The following SRPK2 variants were observed in gnomAD, a reference collection of about 807,000 sequenced individuals.
SRPK2 encodes SRSF protein kinase 2.
SRPK2 carries 21 observed loss-of-function variants against 90.8 expected under a neutral mutation model. The ratio of observed to expected loss-of-function variants is 0.23; its 90% confidence interval spans 0.16 to 0.33. The LOEUF is 0.33. SRPK2 is among the 10% of genes least tolerant of loss of function. The probability of loss-of-function intolerance (pLI) is 1.00; values close to 1 mark genes in which losing one functional copy is unlikely to be tolerated. For missense variants in SRPK2, 620 were observed against 869.0 expected (o/e 0.71, Z 3.60); for synonymous variants, 288 against 311.1 (o/e 0.93, Z 0.78).
chr7:105,159,469 A>AAAAAAAAAAAAAAAAAAAAAAAAAAATAT, intron 7 of SRPK2, among the ~76,000 whole-genome samples: 1 of 149,598 alleles, frequency 6.7e-6, no homozygotes, highest in Non-Finnish European at 1.5e-5. Context: ...AAAAAAAAAA[A>AAAAAAAAAAAAAAAAAAAAAAAAAAATAT]AAAACCGTAC....
At chr7:105,126,774 T>C (rs1801274259) in intron 14 of SRPK2, among the ~76,000 whole-genome samples, 1 of 152,206 alleles carries the variant, frequency 6.6e-6, no homozygotes, top group Admixed American at 6.5e-5. Flanking sequence ...GCCGCTGGTG[T>C]AGGGCCCCTG....
chr7:105,322,705 T>C (rs1290083401), intron 2 of SRPK2, among the ~76,000 whole-genome samples: 2 of 151,860 alleles, frequency 1.3e-5, no homozygotes, highest in Non-Finnish European at 2.9e-5. Context: ...AACTGTTCAC[T>C]TGTAAAATGG....
At chr7:105,145,939 C>G (rs916042636) in intron 8 of SRPK2, among the ~76,000 whole-genome samples, 3 of 152,098 alleles carry the variant, frequency 2.0e-5, no homozygotes, top group Non-Finnish European at 4.4e-5. Flanking sequence ...AGGCACAGAT[C>G]ATGGTGTCGA....
intron 2 of SRPK2, among the ~76,000 whole-genome samples, chr7:105,387,095 G>A (rs1420776509): frequency 2.0e-5 from 3 of 152,170 alleles, no homozygotes; most frequent in Admixed American, 2.0e-4. Context: ...CCACATGTAC[G>A]TAAAGGTAAC....
intron 2 of SRPK2, among the ~76,000 whole-genome samples, chr7:105,245,765 T>C (rs1322591018): frequency 6.6e-6 from 1 of 152,050 alleles, no homozygotes; most frequent in East Asian, 1.9e-4. Flanking sequence ...TAGAGTGCGG[T>C]GGTTATTCAC....
At chr7:105,175,300 A>G (rs28832590) in intron 3 of SRPK2, among the ~76,000 whole-genome samples, 6,383 of 152,252 alleles carry the variant, frequency 0.042, 466 homozygotes, top group African/African-American at 0.15. Context: ...AAGAAATCAA[A>G]AAGAAAATAG....
chr7:105,289,287 A>T (rs573182630), intron 2 of SRPK2, among the ~76,000 whole-genome samples: 7 of 148,856 alleles, frequency 4.7e-5, no homozygotes, highest in Admixed American at 2.0e-4. Flanking sequence ...AAAAATAAAT[A>T]AAAAAAAAAT....
chr7:105,230,447 A>G (rs150443129), intron 2 of SRPK2, among the ~76,000 whole-genome samples: 175 of 152,344 alleles, frequency 1.1e-3, no homozygotes, highest in Middle Eastern at 3.4e-3. Context: ...TAAGCAGTAG[A>G]TAGAGAATAG....
chr7:105,247,720 TA>T (rs56380946), intron 2 of SRPK2, among the ~76,000 whole-genome samples: 109,201 of 151,850 alleles, frequency 0.72, 39,773 homozygotes, highest in African/African-American at 0.83. Flanking sequence ...CTATTTTTTT[TA>T]AAAAAAAGTT....
intron 2 of SRPK2, among the ~76,000 whole-genome samples, chr7:105,220,045 A>C (rs532249007): frequency 5.3e-5 from 8 of 152,372 alleles, no homozygotes; most frequent in African/African-American, 1.9e-4. Flanking sequence ...GGAGAAGTTT[A>C]AGAACTCAAA....
At chr7:105,208,049 T>C (rs1246151063) in intron 2 of SRPK2, among the ~76,000 whole-genome samples, 1 of 152,126 alleles carries the variant, frequency 6.6e-6, no homozygotes, top group African/African-American at 2.4e-5. Context: ...GAAAAGATGC[T>C]CAACATCATT....
chr7:105,222,011 T>C (rs1798154653), intron 2 of SRPK2, among the ~76,000 whole-genome samples: 1 of 152,160 alleles, frequency 6.6e-6, no homozygotes, highest in Non-Finnish European at 1.5e-5. Context: ...CACTGTAAAA[T>C]ATCACTTTAG....
At chr7:105,373,514 T>C (rs1361355550) in intron 2 of SRPK2, among the ~76,000 whole-genome samples, 2 of 151,278 alleles carry the variant, frequency 1.3e-5, no homozygotes, top group African/African-American at 2.4e-5. Context: ...GTGATTCTCA[T>C]GCCTCAGCCT....
intron 2 of SRPK2, among the ~76,000 whole-genome samples, chr7:105,221,417 A>G (rs1295765810): frequency 2.0e-5 from 3 of 152,166 alleles, no homozygotes; most frequent in Non-Finnish European, 4.4e-5. Context: ...TCCAGCTACA[A>G]CAGTCCTCAT....
intron 2 of SRPK2, among the ~76,000 whole-genome samples, chr7:105,262,269 T>C (rs1486565662): frequency 6.6e-6 from 1 of 152,306 alleles, no homozygotes; most frequent in African/African-American, 2.4e-5. Context: ...AAACTAACAC[T>C]ACACTTTTAT....
intron 2 of SRPK2, among the ~76,000 whole-genome samples, chr7:105,238,885 T>TA (rs1800460158): frequency 6.6e-6 from 1 of 152,022 alleles, no homozygotes; most frequent in Non-Finnish European, 1.5e-5. Flanking sequence ...AGCACACTCT[T>TA]CTAAGCTTTC....
chr7:105,171,474 T>G (rs568099892), intron 3 of SRPK2, among the ~76,000 whole-genome samples: 6 of 152,380 alleles, frequency 3.9e-5, no homozygotes, highest in African/African-American at 1.4e-4. Context: ...TATTTCTTTT[T>G]TAATCTGCAG....
intron 2 of SRPK2, among the ~76,000 whole-genome samples, chr7:105,209,978 C>T (rs1162245598): frequency 6.6e-6 from 1 of 152,072 alleles, no homozygotes; most frequent in Non-Finnish European, 1.5e-5. Flanking sequence ...ATGCTATGTA[C>T]TTCATACTAT....
At chr7:105,288,888 C>T (rs1808546904) in intron 2 of SRPK2, among the ~76,000 whole-genome samples, 1 of 152,084 alleles carries the variant, frequency 6.6e-6, no homozygotes, top group South Asian at 2.1e-4. Flanking sequence ...CACAAAAGGG[C>T]TACCACAATA....
Sources: gnomAD v4.1 joint callset for allele counts (sites outside exome capture counted in the v4.1 genomes callset) on GRCh38, gnomAD v4.1.1 for gene constraint, MANE v1.5 for transcripts, NCBI Gene and HGNC (gene_info 2026-07-23, HGNC 2026-07-21) for gene names.